ZNF407: variants seen among roughly 807,000 people sequenced by gnomAD.
ZNF407 encodes zinc finger protein 407.
In ZNF407, 17 loss-of-function variants were observed where a neutral mutation model predicts 131.2. The ratio of observed to expected loss-of-function variants is 0.13; its 90% CI spans 0.09 to 0.19. The LOEUF is 0.19. Among genes scored for constraint, ZNF407 ranks in the 10% least tolerant of loss-of-function variants. ZNF407 has a pLI of 1.00. For missense variants in ZNF407, 2,681 were observed against 2,830.6 expected, an observed-to-expected ratio of 0.95 and a Z score of 1.20; for synonymous variants, 1,156 against 1,062.0, an observed-to-expected ratio of 1.09 and a Z score of -1.72.
chr18:75,015,155 C>T (rs1424416136), intron 8 of ZNF407, among the ~76,000 whole-genome samples: 1 of 151,958 alleles, frequency 6.6e-6, no homozygotes, highest in Non-Finnish European at 1.5e-5. Context: ...TTCATGTGAT[C>T]TGAAGAAATG....
At chr18:74,858,320 G>A (rs1046559962) in intron 4 of ZNF407, among the ~76,000 whole-genome samples, 6 of 151,522 alleles carry the variant, frequency 4.0e-5, no homozygotes. Flanking sequence ...ATTTGTTTTT[G>A]TATTAACCTC....
intron 3 of ZNF407, among the ~76,000 whole-genome samples, chr18:74,755,672 T>A (rs1968922162): frequency 6.9e-6 from 1 of 145,980 alleles, no homozygotes; most frequent in Non-Finnish European, 1.5e-5. Context: ...CACGGCAACC[T>A]CTGCCTCCTG....
At chr18:74,999,133 G>T (rs1482502244) in intron 8 of ZNF407, among the ~76,000 whole-genome samples, 1 of 63,810 alleles carries the variant, frequency 1.6e-5, no homozygotes, top group African/African-American at 6.2e-5. Flanking sequence ...TCACTCATAG[G>T]TGGGAATTGA....
Position 74,616,653 on chromosome 18 carries a change from A to T in ZNF407, c.-53-14314A>T, listed in dbSNP as rs1000482255. On this transcript the variant is annotated intron_variant, in intron 1 of 8. Transcript: ENST00000299687. ...GAAAATGTTTCTAGGACACCTGTATAACCTTCATCCTGAGTCATCTGTTGC... is the reference window on the plus strand; with the variant it reads ...GAAAATGTTTCTAGGACACCTGTATTACCTTCATCCTGAGTCATCTGTTGC... Among the ~76,000 whole-genome samples, 18 of 151,936 alleles carry T rather than the reference A, an allele frequency of 1.2e-4. 1 individual carries two copies. In the East Asian group the frequency reaches 3.5e-3, roughly 29 times the overall value.
intron 1 of ZNF407, among the ~76,000 whole-genome samples, chr18:74,625,582 A>G (rs1455722971): frequency 2.6e-5 from 4 of 152,158 alleles, no homozygotes; most frequent in African/African-American, 9.7e-5. Context: ...TCTGTTACAG[A>G]TTTTTTAAAC....
At chr18:74,636,655 G>T (rs12956584) in intron 2 of ZNF407, among the ~76,000 whole-genome samples, 21,878 of 152,156 alleles carry the variant, frequency 0.14, 1,625 homozygotes, top group Non-Finnish European at 0.17. Flanking sequence ...GCATGGTTAC[G>T]AGGAAGAAGA....
chr18:74,921,590 A>G (rs1234701942), intron 8 of ZNF407, among the ~76,000 whole-genome samples: 1 of 152,142 alleles, frequency 6.6e-6, no homozygotes, highest in Non-Finnish European at 1.5e-5. Flanking sequence ...GGCTGACCTC[A>G]CCAAGCCTGA....
At chr18:74,621,827 A>G (rs1010852611) in intron 1 of ZNF407, among the ~76,000 whole-genome samples, 1 of 152,178 alleles carries the variant, frequency 6.6e-6, no homozygotes, top group African/African-American at 2.4e-5. Flanking sequence ...GGAAATAAAC[A>G]ATTTTACAAA....
At chr18:74,900,327 A>G (rs989807450) in intron 7 of ZNF407, among the ~76,000 whole-genome samples, 4 of 151,218 alleles carry the variant, frequency 2.6e-5, no homozygotes, top group Admixed American at 2.0e-4. Context: ...AGAACTTCCC[A>G]CCTTTTGGGG....
chr18:74,759,064 G>C (rs942433196), intron 3 of ZNF407, among the ~76,000 whole-genome samples: 14 of 151,792 alleles, frequency 9.2e-5, no homozygotes, highest in Non-Finnish European at 1.9e-4. Flanking sequence ...TGTGTATCTG[G>C]GTGTGTCTTC....
chr18:74,603,573 C>T (rs1232941160), intron 1 of ZNF407, among the ~76,000 whole-genome samples: 2 of 152,254 alleles, frequency 1.3e-5, no homozygotes, highest in Admixed American at 1.3e-4. Context: ...TTCATAAATT[C>T]TGTACCGAGG....
intron 4 of ZNF407, among the ~76,000 whole-genome samples, chr18:74,837,390 A>G (rs1489862532): frequency 1.3e-5 from 2 of 152,024 alleles, no homozygotes. Context: ...AAGATCATTC[A>G]GTGAGGCTTA....
At chr18:74,681,772 A>G (rs1966988899) in intron 3 of ZNF407, among the ~76,000 whole-genome samples, 1 of 152,182 alleles carries the variant, frequency 6.6e-6, no homozygotes, top group Admixed American at 6.5e-5. Context: ...ATATATTGCT[A>G]CCATATACAT....
chr18:74,651,633 A>G (rs924867360), intron 3 of ZNF407, among the ~76,000 whole-genome samples: 2 of 152,224 alleles, frequency 1.3e-5, no homozygotes, highest in Non-Finnish European at 2.9e-5. Flanking sequence ...GGAATAAAAT[A>G]TTCAGGCTCA....
intron 4 of ZNF407, among the ~76,000 whole-genome samples, chr18:74,820,891 G>T (rs1057136396): frequency 6.6e-6 from 1 of 152,118 alleles, no homozygotes; most frequent in African/African-American, 2.4e-5. Context: ...TGGAATTGCA[G>T]TCTGGCTCAG....
intron 4 of ZNF407, among the ~76,000 whole-genome samples, chr18:74,810,346 G>A (rs1338896904): frequency 1.8e-5 from 2 of 113,444 alleles, no homozygotes; most frequent in Admixed American, 1.1e-4. Flanking sequence ...CAAAGGTGAT[G>A]CACCTTTGCT....
intron 8 of ZNF407, among the ~76,000 whole-genome samples, chr18:75,049,395 G>T (rs1407452032): frequency 6.6e-6 from 1 of 152,138 alleles, no homozygotes; most frequent in Non-Finnish European, 1.5e-5. Context: ...GGTTCCTGAA[G>T]ACATGTGGGT....
intron 8 of ZNF407, among the ~76,000 whole-genome samples, chr18:75,002,332 T>C (rs1402516870): frequency 6.6e-6 from 1 of 152,116 alleles, no homozygotes; most frequent in Non-Finnish European, 1.5e-5. Context: ...CCTCTTCCCC[T>C]CTCCCTCGCT....
In ZNF407 at chr18:75,064,270, G is replaced by A. The variant is rs765456758; in HGVS notation, c.6549G>A (p.Pro2183=). 37 of 1,604,746 alleles carry A rather than the reference G, an allele frequency of 2.3e-5. No homozygotes were observed. Among genetic ancestry groups the A allele is most frequent in the Admixed American group, 3.4e-5 (2 of 59,644 alleles). ...TELPPGVQDE[P]GLYSHTVLET... is the part of the protein sequence containing the mutation. ...TGCCCCCAGGGGTGCAGGACGAGCC[G>A]GGCCTGTACTCCCACACCGTGCTGG... The change falls in exon 9 of 9, where the codon CCG becomes CCA. Residue 2183 remains proline, a synonymous_variant. Coordinates refer to ENST00000299687, the MANE Select transcript of ZNF407 (RefSeq NM_017757.3).
Sources: allele counts gnomAD v4.1 joint callset (sites outside exome capture counted in the v4.1 genomes callset), GRCh38; gene constraint gnomAD v4.1.1; transcripts MANE v1.5; gene names NCBI Gene and HGNC (gene_info 2026-07-23, HGNC 2026-07-21).